The following SPAST variants were observed in gnomAD, a reference collection of about 807,000 sequenced individuals.
The protein encoded by SPAST is spastic paraplegia 4 (autosomal dominant; spastin).
Under a neutral mutation model 76.6 loss-of-function variants are expected in SPAST, and 30 were observed. The observed-to-expected ratio is 0.39, with a 90% CI of 0.29 to 0.53. The LOEUF is 0.53. SPAST is among the 20% of genes least tolerant of loss of function. The pLI is 0.68. For missense variants in SPAST, 717 were observed against 770.5 expected (o/e 0.93, Z 0.82); for synonymous variants, 305 against 281.0 (o/e 1.09, Z -0.86).
chr2:32,083,764 A>ATTT, intron 1 of SPAST, among the ~76,000 whole-genome samples: 1 of 45,230 alleles, frequency 2.2e-5, no homozygotes. Context: ...ATATATATAT[A>ATTT]TATATATATA....
rs779870270 is a variant in SPAST at position 32,154,514 on chromosome 2, C to T, written c.*18C>T. The T allele has an allele frequency of 6.1e-5, 99 of 1,612,128 alleles. No individual in the cohort carries two copies. The highest frequency in any genetic ancestry group is 8.1e-5 in the Non-Finnish European group (95 of 1,178,552). ...CTGTTTAAGGAAATACCTTTGTAAA[C>T]CTGCAGAACATTTTACTTAAAAGAG... is the stretch of plus-strand genomic sequence containing the variant. On this transcript the variant is annotated 3_prime_UTR_variant, in exon 17 of 17. Coordinates refer to ENST00000315285, the MANE Select transcript of SPAST (RefSeq NM_014946.4).
chr2:32,109,786 A>G (rs1482864033), intron 4 of SPAST, among the ~76,000 whole-genome samples: 1 of 148,310 alleles, frequency 6.7e-6, no homozygotes, highest in Non-Finnish European at 1.5e-5. Context: ...ATATGCACAT[A>G]CATATATAGT....
At chr2:32,140,452 G>C (rs1679679099) in intron 12 of SPAST, among the ~76,000 whole-genome samples, 1 of 151,876 alleles carries the variant, frequency 6.6e-6, no homozygotes, top group South Asian at 2.1e-4. Context: ...GTACAACCCT[G>C]TCTCTGCTAA....
intron 9 of SPAST, chr2:32,130,646 G>A (rs1050123697): frequency 6.6e-6 from 1 of 151,182 alleles, no homozygotes; most frequent in Non-Finnish European, 1.5e-5. Flanking sequence ...TCGAACCCAG[G>A]AGGCAGAGGT....
At chr2:32,129,182 G>T (rs1679289787) in intron 9 of SPAST, 1 of 152,002 alleles carries the variant, frequency 6.6e-6, no homozygotes, top group Admixed American at 6.6e-5. Context: ...CAGATCTGAT[G>T]GCATAAACTG....
At chr2:32,069,516 T>C (rs1676662030) in intron 1 of SPAST, among the ~76,000 whole-genome samples, 2 of 151,674 alleles carry the variant, frequency 1.3e-5, no homozygotes, top group African/African-American at 4.8e-5. Context: ...GCTGGTAATA[T>C]CATGCACTGC....
intron 12 of SPAST, among the ~76,000 whole-genome samples, chr2:32,138,771 T>C (rs1026240383): frequency 6.6e-6 from 1 of 152,194 alleles, no homozygotes; most frequent in African/African-American, 2.4e-5. Flanking sequence ...CTAGTTTTCT[T>C]CTAGCATTTT....
At chr2:32,148,277 A>C (rs1422923803) in intron 16 of SPAST, among the ~76,000 whole-genome samples, 1 of 152,112 alleles carries the variant, frequency 6.6e-6, no homozygotes, top group East Asian at 1.9e-4. Flanking sequence ...ATTTCAAAAT[A>C]TGGAAACCTA....
At chr2:32,150,083 T>G (rs1573179503) in intron 16 of SPAST, among the ~76,000 whole-genome samples, 1 of 151,098 alleles carries the variant, frequency 6.6e-6, no homozygotes, top group East Asian at 1.9e-4. Context: ...TTTTTTTTTT[T>G]TGTGAGATGG....
intron 7 of SPAST, among the ~76,000 whole-genome samples, chr2:32,123,670 T>C (rs1295406305): frequency 6.6e-6 from 1 of 152,138 alleles, no homozygotes; most frequent in Non-Finnish European, 1.5e-5. Flanking sequence ...GGCAAAAGAA[T>C]AGACAAATAA....
At chr2:32,144,350 T>A (rs2148760246) in intron 14 of SPAST, among the ~76,000 whole-genome samples, 1 of 152,358 alleles carries the variant, frequency 6.6e-6, no homozygotes, top group East Asian at 1.9e-4. Context: ...ACCAGTAGTT[T>A]GTAGATGTTA....
At chr2:32,149,552 C>T (rs1405295218) in intron 16 of SPAST, among the ~76,000 whole-genome samples, 1 of 152,148 alleles carries the variant, frequency 6.6e-6, no homozygotes, top group East Asian at 1.9e-4. Flanking sequence ...TACAGTCAGC[C>T]TTTTCTATCC....
At chr2:32,102,445 A>G (rs1001736101) in intron 4 of SPAST, among the ~76,000 whole-genome samples, 16 of 152,140 alleles carry the variant, frequency 1.1e-4, no homozygotes, top group Non-Finnish European at 2.4e-4. Flanking sequence ...TCTTTTCCTA[A>G]TTGGATACCC....
At chr2:32,153,999 C>A (rs1015552849) in intron 16 of SPAST, among the ~76,000 whole-genome samples, 1 of 152,120 alleles carries the variant, frequency 6.6e-6, no homozygotes, top group East Asian at 1.9e-4. Flanking sequence ...ATTGCTTGAA[C>A]CTTGGAGGGG....
At chr2:32,137,274 C>G in intron 12 of SPAST, 86 bp downstream of exon 12, 1 of 1,059,698 alleles carries the variant, frequency 9.4e-7, no homozygotes, top group East Asian at 2.4e-5. Context: ...TCCTTACTCT[C>G]AGTTTTAAGA....
At chr2:32,083,670 TATATA>T (rs1677327488) in intron 1 of SPAST, among the ~76,000 whole-genome samples, 2 of 141,956 alleles carry the variant, frequency 1.4e-5, no homozygotes, top group Admixed American at 7.4e-5. Flanking sequence ...TATATATATA[TATATA>T]TTTTTATGCT....
chr2:32,110,645 G>C (rs1029070811), intron 4 of SPAST, among the ~76,000 whole-genome samples: 139 of 133,672 alleles, frequency 1.0e-3, no homozygotes, highest in African/African-American at 3.7e-3. Context: ...AGTATATATA[G>C]TATATATAGT....
At chr2:32,087,601 C>G in intron 2 of SPAST, 23 bp downstream of exon 2, 1 of 1,251,030 alleles carries the variant, frequency 8.0e-7, no homozygotes. Context: ...TTGTTTATAG[C>G]CATCCCAAAT....
At chr2:32,147,155 C>A in intron 15 of SPAST, 63 bp from the exon 16 acceptor site, 2 of 1,131,174 alleles carry the variant, frequency 1.8e-6, no homozygotes, top group South Asian at 1.2e-5. Context: ...TTGGTTTTGC[C>A]CTTCAACAAT....
Sources: allele counts gnomAD v4.1 joint callset (sites outside exome capture counted in the v4.1 genomes callset), GRCh38; gene constraint gnomAD v4.1.1; transcripts MANE v1.5; gene names NCBI Gene and HGNC (gene_info 2026-07-23, HGNC 2026-07-21).